Variants in DYSF observed in about 807,000 individuals in gnomAD.
DYSF encodes the protein dystrophy-associated fer-1-like 1.
Under a neutral mutation model 274.9 loss-of-function variants are expected in DYSF, and 212 were observed. The ratio of observed to expected loss-of-function variants is 0.77; its 90% confidence interval spans 0.69 to 0.86. The LOEUF (loss-of-function observed/expected upper bound fraction) is 0.86, where lower values mean the gene tolerates loss of function less well. Among genes scored for constraint, DYSF ranks in the 40% least tolerant of loss-of-function variants. The pLI, the probability that DYSF is intolerant of heterozygous loss-of-function variation, is 0.00. For synonymous variants in DYSF, 1,091 were observed against 1,078.7 expected, an observed-to-expected ratio of 1.01 and a Z score of -0.22; for missense variants, 2,666 against 2,783.2, an observed-to-expected ratio of 0.96 and a Z score of 0.95.
chr2:71,682,262 G>C (rs1443217462), intron 54 of DYSF, among the ~76,000 whole-genome samples: 1 of 152,102 alleles, frequency 6.6e-6, no homozygotes, highest in Non-Finnish European at 1.5e-5. Context: ...GTCCTGGAGA[G>C]GATGGCAGAG....
Position 71,549,396 on chromosome 2 carries a change from G to A in DYSF, c.1577-1645G>A, listed in dbSNP as rs764434177. On this transcript the variant is annotated intron_variant, in intron 17 of 55. Transcript: ENST00000410020. ...AGCCTTCGAAAGCCTCAGACTGTAC[G>A]TTGCTGTCACCTTGGGGACAACCAG... The A allele has an allele frequency of 1.9e-5, 30 of 1,611,482 alleles. No individual in the cohort carries two copies. Among genetic ancestry groups the A allele is most frequent in the South Asian group, 4.4e-5 (4 of 90,520 alleles).
At chr2:71,542,056 G>A (rs539928396) in intron 17 of DYSF, among the ~76,000 whole-genome samples, 39 of 152,316 alleles carry the variant, frequency 2.6e-4, no homozygotes, top group Middle Eastern at 3.4e-3. Context: ...GAGAGCTCTA[G>A]CTCTCCAGCC....
chr2:71,636,710 G>T (rs1405925345), intron 41 of DYSF, among the ~76,000 whole-genome samples: 1 of 152,190 alleles, frequency 6.6e-6, no homozygotes, highest in African/African-American at 2.4e-5. Context: ...ATCAATGTAT[G>T]TGCTATTTAA....
At chr2:71,596,798 T>C (rs532317559) in intron 32 of DYSF, among the ~76,000 whole-genome samples, 142 of 152,338 alleles carry the variant, frequency 9.3e-4, no homozygotes, top group Non-Finnish European at 1.8e-3. Context: ...GCTGTCAGGC[T>C]GATCCCAGGC....
chr2:71,544,310 A>G (rs1445445725), intron 17 of DYSF, among the ~76,000 whole-genome samples: 1 of 152,130 alleles, frequency 6.6e-6, no homozygotes, highest in African/African-American at 2.4e-5. Flanking sequence ...CTTTAGCTGG[A>G]GGACAGGTTA....
intron 22 of DYSF, 145 bp downstream of exon 22, chr2:71,556,216 G>T (rs1210572217): frequency 5.7e-6 from 4 of 705,888 alleles, no homozygotes; most frequent in Non-Finnish European, 1.0e-5. Flanking sequence ...GAGTCCAAAG[G>T]TGGTGGAGCC....
intron 1 of DYSF, among the ~76,000 whole-genome samples, chr2:71,475,553 GA>G (rs1228542664): frequency 6.6e-6 from 1 of 152,096 alleles, no homozygotes. Context: ...CCAGAGGAGA[GA>G]CAACCGTGCT....
intron 41 of DYSF, among the ~76,000 whole-genome samples, chr2:71,621,338 T>C (rs2094094485): frequency 6.6e-6 from 1 of 152,244 alleles, no homozygotes; most frequent in African/African-American, 2.4e-5. Flanking sequence ...GGGGGTCTCA[T>C]GAGCTTCTAG....
At chr2:71,601,153 G>GC in intron 34 of DYSF, 2 of 587,420 alleles carry the variant, frequency 3.4e-6, no homozygotes, top group Non-Finnish European at 6.0e-6. Context: ...ACAGGCAAGG[G>GC]CAGGATCCCC....
intron 22 of DYSF, among the ~76,000 whole-genome samples, chr2:71,560,032 G>A (rs867423453): frequency 3.9e-5 from 6 of 152,228 alleles, no homozygotes; most frequent in African/African-American, 1.2e-4. Context: ...CCCTGCGCTG[G>A]GCCTACCTGC....
intron 10 of DYSF, among the ~76,000 whole-genome samples, chr2:71,518,601 C>A (rs1254552535): frequency 6.6e-6 from 1 of 151,886 alleles, no homozygotes; most frequent in Admixed American, 6.6e-5. Flanking sequence ...GTAATTGTTA[C>A]TAATTTTCTC....
intron 51 of DYSF, among the ~76,000 whole-genome samples, chr2:71,672,745 G>A (rs2095150909): frequency 6.6e-6 from 1 of 152,216 alleles, no homozygotes; most frequent in African/African-American, 2.4e-5. Context: ...GGCTGCTGGC[G>A]GGCCATGCAG....
At chr2:71,680,601 A>G (rs2095283722) in intron 53 of DYSF, among the ~76,000 whole-genome samples, 1 of 152,248 alleles carries the variant, frequency 6.6e-6, no homozygotes, top group Non-Finnish European at 1.5e-5. Context: ...ATTATGGTCA[A>G]CCATCCCATA....
At chr2:71,682,460 T>C (rs1315509536) in intron 54 of DYSF, 70 bp from the exon 55 acceptor site, 11 of 1,605,906 alleles carry the variant, frequency 6.8e-6, no homozygotes, top group Non-Finnish European at 4.3e-6. Flanking sequence ...GACCTGCTGT[T>C]GAGAGAAGAG....
chr2:71,549,518 G>A, intron 17 of DYSF: 1 of 918,338 alleles, frequency 1.1e-6, no homozygotes, highest in Non-Finnish European at 1.7e-6. Flanking sequence ...CCCCACAAAG[G>A]TAAGTCCCTG....
intron 40 of DYSF, among the ~76,000 whole-genome samples, chr2:71,620,278 G>A (rs1297770593): frequency 1.3e-5 from 2 of 152,184 alleles, no homozygotes; most frequent in Non-Finnish European, 2.9e-5. Context: ...CACAGCCTTC[G>A]TCTCATTCAT....
intron 32 of DYSF, among the ~76,000 whole-genome samples, chr2:71,596,934 T>C (rs1159467349): frequency 2.0e-5 from 3 of 152,202 alleles, no homozygotes; most frequent in African/African-American, 7.2e-5. Context: ...AGGTACAACC[T>C]TGGATCCTGC....
At chr2:71,520,017 A>G (rs2087082555) in intron 10 of DYSF, among the ~76,000 whole-genome samples, 161 bp from the exon 11 acceptor site, 1 of 152,048 alleles carries the variant, frequency 6.6e-6, no homozygotes, top group Non-Finnish European at 1.5e-5. Flanking sequence ...TGGGATCAAA[A>G]TATATTTCAT....
rs1443677247 is a variant in DYSF, at chr2:71,658,900, TC to T, written c.4781del (p.Pro1594GlnfsTer53). On this transcript the variant is annotated frameshift_variant, in exon 44 of 56. Coordinates refer to ENST00000410020, the MANE Select transcript of DYSF (RefSeq NM_001130987.2). LOFTEE classifies it high-confidence loss of function. ...CAGGGCCTCTTCAAAATTTATCCCCTCCCAGAAGACCCAGCCATCCCCATGC... is the reference window on the plus strand; with the variant it reads ...CAGGGCCTCTTCAAAATTTATCCCCTCCAGAAGACCCAGCCATCCCCATGC... ...EFKGLFKIYP[L>X]PEDPAIPMPP... is the part of the protein sequence containing the mutation. 1 of 1,613,992 alleles carries T rather than the reference TC, an allele frequency of 6.2e-7. No homozygotes were observed. Among genetic ancestry groups the T allele is most frequent in the Non-Finnish European group, 8.5e-7 (1 of 1,180,030 alleles).
Sources: allele counts gnomAD v4.1 joint callset (sites outside exome capture counted in the v4.1 genomes callset), GRCh38; gene constraint gnomAD v4.1.1; transcripts MANE v1.5; gene names NCBI Gene and HGNC (gene_info 2026-07-23, HGNC 2026-07-21).